WLS: variants seen among roughly 807,000 people sequenced by gnomAD.
WLS encodes the protein Wnt ligand secretion mediator, also known as protein wntless homolog.
In WLS, 23 loss-of-function variants were observed where a neutral mutation model predicts 62.8. That is an observed-to-expected ratio of 0.37 (90% CI 0.26 to 0.52). The LOEUF is 0.52. WLS is among the 20% of genes least tolerant of loss of function. The pLI, the probability that WLS is intolerant of heterozygous loss-of-function variation, is 0.92. For synonymous variants in WLS, 246 were observed against 244.1 expected, an observed-to-expected ratio of 1.01 and a Z score of -0.07; for missense variants, 615 against 697.3, an observed-to-expected ratio of 0.88 and a Z score of 1.33.
intron 8 of WLS, among the ~76,000 whole-genome samples, chr1:68,147,660 C>T (rs777375679): frequency 6.6e-6 from 1 of 152,238 alleles, no homozygotes; most frequent in Non-Finnish European, 1.5e-5. Flanking sequence ...TTCTCTGGAA[C>T]TAATCACCTT....
intron 1 of WLS, among the ~76,000 whole-genome samples, chr1:68,209,462 C>A (rs570018110): frequency 1.8e-4 from 28 of 152,288 alleles, no homozygotes; most frequent in African/African-American, 5.3e-4. Flanking sequence ...AGGGACTTAA[C>A]AGGGTGATTT....
In WLS at chr1:68,155,257, G is replaced by A. The variant is rs554777494; in HGVS notation, c.508C>T (p.Pro170Ser). Residue 170 changes from proline to serine, a missense_variant, in exon 4 of 12, where the codon CCA (proline) becomes TCA (serine). Coordinates refer to ENST00000262348, the MANE Select transcript of WLS (RefSeq NM_024911.7). ...TCATAGTAACGGCCCTCATGCTCTGGAGTCTGGAAAAAGAGCAGAGGGTTT... is the reference window on the plus strand; with the variant it reads ...TCATAGTAACGGCCCTCATGCTCTGAAGTCTGGAAAAAGAGCAGAGGGTTT... ...LKCTFTSPKT[P>S]EHEGRYYECD... The A allele has an allele frequency of 1.2e-6, 2 of 1,609,990 alleles. No individual in the cohort carries two copies. The highest frequency in any genetic ancestry group is 1.7e-5 in the Admixed American group (1 of 59,330).
At chr1:68,163,681 T>A (rs1245524854) in intron 2 of WLS, among the ~76,000 whole-genome samples, 4 of 146,228 alleles carry the variant, frequency 2.7e-5, no homozygotes, top group African/African-American at 1.0e-4. Flanking sequence ...TGACTGGAGA[T>A]CCTGCCACCA....
At chr1:68,124,037 C>G (rs972966082), downstream of WLS, among the ~76,000 whole-genome samples, 7 of 152,198 alleles carry the variant, frequency 4.6e-5, no homozygotes, top group African/African-American at 1.7e-4. Flanking sequence ...ATCTCTCTCT[C>G]TGTCCGAAAC....
At chr1:68,162,987 A>AG in intron 2 of WLS, 3 of 1,591,982 alleles carry the variant, frequency 1.9e-6, no homozygotes, top group Non-Finnish European at 2.6e-6. Context: ...CAGCGCCACC[A>AG]GGGGGCAGGA....
intron 1 of WLS, chr1:68,231,855 A>G: frequency 6.5e-6 from 1 of 153,010 alleles, no homozygotes; most frequent in Non-Finnish European, 1.1e-5. Context: ...CGCGGGAAAA[A>G]GCGGGGGGGG....
intron 2 of WLS, among the ~76,000 whole-genome samples, chr1:68,191,058 CA>C (rs10590224): frequency 0.26 from 34,275 of 130,942 alleles, 3,895 homozygotes; most frequent in East Asian, 0.45. Flanking sequence ...AACTCAGACT[CA>C]AAAAAAAAAA....
intron 2 of WLS, chr1:68,186,401 T>C (rs2772297): frequency 0.63 from 214,700 of 341,436 alleles, 68,401 homozygotes; most frequent in East Asian, 0.78. Flanking sequence ...ACTAACCAGA[T>C]ATATATTATA....
At chr1:68,149,138 G>A (rs1489600701) in intron 6 of WLS, among the ~76,000 whole-genome samples, 1 of 152,106 alleles carries the variant, frequency 6.6e-6, no homozygotes, top group African/African-American at 2.4e-5. Context: ...ATTAAAACCA[G>A]GAATGAGTCC....
At chr1:68,103,342 G>C (rs1274220803) in intron 11 of WLS, among the ~76,000 whole-genome samples, 2 of 152,218 alleles carry the variant, frequency 1.3e-5, no homozygotes, top group Non-Finnish European at 2.9e-5. Context: ...GAGTGAAGAA[G>C]AACAATCACA....
rs1314763806 is a variant in WLS at position 68,207,457 on chromosome 1, C to A, written c.107-13230G>T. Among the ~76,000 whole-genome samples, 5 of 152,104 alleles carry A rather than the reference C, an allele frequency of 3.3e-5. No individual in the cohort carries two copies. The East Asian group carries it at 9.6e-4, about 29-fold the overall frequency. ...ACAAAATTTGCTAATGAAATCAATTCATAACTTTCTTTCAGATTTTCATTT... is the reference window on the plus strand; with the variant it reads ...ACAAAATTTGCTAATGAAATCAATTAATAACTTTCTTTCAGATTTTCATTT... On this transcript the variant is annotated intron_variant, in intron 1 of 11. Transcript: ENST00000262348.
intron 11 of WLS, among the ~76,000 whole-genome samples, chr1:68,114,998 T>A (rs932930899): frequency 2.0e-5 from 3 of 152,166 alleles, no homozygotes; most frequent in Admixed American, 6.5e-5. Context: ...TAAGCTTGGA[T>A]TATAAGGCCT....
At chr1:68,116,650 C>T (rs997527366) in intron 11 of WLS, among the ~76,000 whole-genome samples, 4 of 152,192 alleles carry the variant, frequency 2.6e-5, no homozygotes, top group African/African-American at 9.7e-5. Context: ...AGGGATTCTA[C>T]ATGCTAGATA....
intron 1 of WLS, among the ~76,000 whole-genome samples, chr1:68,209,695 C>T (rs1342593786): frequency 1.3e-5 from 2 of 152,042 alleles, no homozygotes; most frequent in African/African-American, 4.8e-5. Context: ...CAGGAGAAAT[C>T]ACTTGAACCT....
intron 2 of WLS, among the ~76,000 whole-genome samples, chr1:68,193,432 A>C (rs991800909): frequency 1.1e-4 from 15 of 141,220 alleles, no homozygotes; most frequent in Non-Finnish European, 1.4e-4. Flanking sequence ...AAAAAAAAAA[A>C]AAAAAAAAAA....
chr1:68,202,335 A>G (rs1024319625), intron 1 of WLS: 1 of 152,212 alleles, frequency 6.6e-6, no homozygotes, highest in Non-Finnish European at 1.5e-5. Flanking sequence ...AAATCTGCCA[A>G]TCATTGGATG....
intron 2 of WLS, among the ~76,000 whole-genome samples, chr1:68,175,646 A>G (rs1216803450): frequency 1.3e-5 from 2 of 152,230 alleles, no homozygotes; most frequent in African/African-American, 4.8e-5. Context: ...GCCAAAACAA[A>G]GAGCTATAAA....
chr1:68,206,354 C>A (rs574440778), intron 1 of WLS, among the ~76,000 whole-genome samples: 44 of 152,258 alleles, frequency 2.9e-4, no homozygotes, highest in South Asian at 1.0e-3. Context: ...TGCAAGTTCT[C>A]AGGAAGGAAA....
chr1:68,108,859 A>G (rs1029762186), intron 11 of WLS, among the ~76,000 whole-genome samples: 9 of 152,128 alleles, frequency 5.9e-5, no homozygotes, highest in African/African-American at 2.2e-4. Flanking sequence ...ACCCAGAGAA[A>G]GGCCAAAAAA....
Sources: allele counts gnomAD v4.1 joint callset (sites outside exome capture counted in the v4.1 genomes callset), GRCh38; gene constraint gnomAD v4.1.1; transcripts MANE v1.5; gene names NCBI Gene and HGNC (gene_info 2026-07-23, HGNC 2026-07-21).